CPT2: variants seen among roughly 807,000 people sequenced by gnomAD.
CPT2 encodes carnitine palmitoyltransferase 2.
In CPT2, 37 loss-of-function variants were observed where a neutral mutation model predicts 48.6. The observed-to-expected ratio is 0.76, with a 90% CI of 0.59 to 1.00. The LOEUF (loss-of-function observed/expected upper bound fraction) is 1.00, where lower values mean the gene tolerates loss of function less well. Among genes scored for constraint, CPT2 ranks in the 50% least tolerant of loss-of-function variants. The pLI, the probability that CPT2 is intolerant of heterozygous loss-of-function variation, is 0.00. For missense variants in CPT2, 772 were observed against 825.6 expected, an observed-to-expected ratio of 0.94 and a Z score of 0.80; for synonymous variants, 319 against 326.9, an observed-to-expected ratio of 0.98 and a Z score of 0.26.
At chr1:53,197,359 C>G in intron 1 of CPT2, 1 of 557,656 alleles carries the variant, frequency 1.8e-6, no homozygotes, top group South Asian at 2.0e-5. Flanking sequence ...ATTCCCTCTC[C>G]TTTAACCTAA....
intron 1 of CPT2, among the ~76,000 whole-genome samples, chr1:53,197,922 C>G (rs1264250720): frequency 6.6e-6 from 1 of 152,124 alleles, no homozygotes; most frequent in African/African-American, 2.4e-5. Flanking sequence ...CTCCTCCTCA[C>G]CACTGGCTAC....
Position 53,213,701 on chromosome 1 carries a change from G to C in CPT2, c.*106G>C, listed in dbSNP as rs1645446888. On this transcript the variant is annotated 3_prime_UTR_variant, in exon 5 of 5. Coordinates refer to ENST00000371486, the MANE Select transcript of CPT2 (RefSeq NM_000098.3). ...CCCAGCATTTTGAGAGGCTGAGGCG[G>C]GTGGATCACTTGAGGTCAGGAGTTT... is the stretch of plus-strand genomic sequence containing the variant. 1.9e-6 allele frequency: 2 copies of C among 1,053,034 alleles called. No individual in the cohort carries two copies. Among genetic ancestry groups the C allele is most frequent in the East Asian group, 5.1e-5 (2 of 38,846 alleles). The allele number at this position is 1,053,034 out of a possible 1,614,324, so 65.2% of individuals were successfully genotyped here.
At position 53,213,860 on chromosome 1, in the gene CPT2, A is replaced by G. The variant is rs1414307352; in HGVS notation, c.*265A>G. On this transcript the variant is annotated 3_prime_UTR_variant, in exon 5 of 5. Coordinates refer to ENST00000371486, the MANE Select transcript of CPT2 (RefSeq NM_000098.3). ...AGAATTGCTTGAACCCAGGAGGTGG[A>G]GGTTGCAGTGAGCTGAGATCACACC... The G allele has an allele frequency of 4.7e-6, 2 of 428,694 alleles. No individual in the cohort carries two copies. The highest frequency in any genetic ancestry group is 8.7e-6 in the Non-Finnish European group (2 of 229,044). 26.6% of individuals were successfully genotyped at this position (428,694 alleles called of 1,614,324 possible). A position where few individuals can be genotyped will look rare whatever the true frequency, so the allele number is the denominator to read the frequency against.
rs1645426919 is a variant in CPT2, at chr1:53,211,327, A to G, written c.1645+8A>G. The G allele has an allele frequency of 6.3e-7, 1 of 1,590,186 alleles. No homozygotes were observed. The highest frequency in any genetic ancestry group is 8.6e-7 in the Non-Finnish European group (1 of 1,168,976). ...CCAAAGAAGCAGCAATGGGTGAGGC[A>G]GGGGTGGGGAGCATGCCCTTGGGTC... is the stretch of plus-strand genomic sequence containing the variant. On this transcript the variant is annotated splice_region_variant and intron_variant, in intron 4 of 4. Transcript: ENST00000371486.
chr1:53,209,733 A>G, intron 3 of CPT2: 1 of 414,824 alleles, frequency 2.4e-6, no homozygotes, highest in East Asian at 5.6e-5. Flanking sequence ...CCGAGATTGC[A>G]GCACTGTTCT....
chr1:53,211,914 ACACGGTCT>A lies in CPT2; in HGVS notation c.1645+598_1645+605del, dbSNP rs1645431201. ...GCACCTGGCCTTTTTTTTTTTGGAG[ACACGGTCT>A]CATTCTGTCACCCAGGCTGGAGTAC... On this transcript the variant is annotated intron_variant, in intron 4 of 4. Coordinates refer to ENST00000371486, the MANE Select transcript of CPT2 (RefSeq NM_000098.3). Among the ~76,000 whole-genome samples the A allele has an allele frequency of 4.0e-5, 6 of 149,708 alleles. No individual in the cohort carries two copies. The South Asian group carries it at 1.3e-3, about 32-fold the overall frequency.
chr1:53,202,243 A>AT, intron 2 of CPT2, 80 bp from the exon 3 acceptor site: 12 of 1,135,586 alleles, frequency 1.1e-5, no homozygotes, highest in Non-Finnish European at 1.6e-5. Context: ...CCAAAACTCT[A>AT]TTATGAGTTC....
chr1:53,209,755 G>C, intron 3 of CPT2: 1 of 455,042 alleles, frequency 2.2e-6, no homozygotes, highest in Non-Finnish European at 4.0e-6. Context: ...CAGCCTGGGC[G>C]ACAGGAGCGA....
intron 2 of CPT2, chr1:53,201,173 T>C: frequency 3.3e-6 from 1 of 302,764 alleles, no homozygotes; most frequent in Non-Finnish European, 6.5e-6. Context: ...AGCATGTTTA[T>C]TGAGTTGGAT....
chr1:53,202,284 C>A, intron 2 of CPT2, 39 bp from the exon 3 acceptor site: 1 of 1,525,222 alleles, frequency 6.6e-7, no homozygotes, highest in East Asian at 2.3e-5. Flanking sequence ...CATGTATTCC[C>A]TACCATGGTT....
At chr1:53,211,464 C>T (rs1359888416) in intron 4 of CPT2, 145 bp downstream of exon 4, 4 of 806,670 alleles carry the variant, frequency 5.0e-6, no homozygotes, top group Non-Finnish European at 7.9e-6. Flanking sequence ...CTTTTCTACC[C>T]TAGCAGTCTG....
chr1:53,199,886 C>T (rs1645344656), intron 1 of CPT2: 1 of 152,156 alleles, frequency 6.6e-6, no homozygotes, highest in Admixed American at 6.5e-5. Context: ...TCCTAAATGA[C>T]TGATACATTT....
chr1:53,204,284 A>T (rs1645372584), intron 3 of CPT2: 1 of 150,758 alleles, frequency 6.6e-6, no homozygotes, highest in Non-Finnish European at 1.5e-5. Context: ...CACATTTTTC[A>T]TCTCTTACTC....
At chr1:53,199,214 C>T (rs533851964) in intron 1 of CPT2, among the ~76,000 whole-genome samples, 1 of 152,158 alleles carries the variant, frequency 6.6e-6, no homozygotes, top group South Asian at 2.1e-4. Flanking sequence ...GCATGTGCCA[C>T]CACACCCAGC....
At chr1:53,202,217 C>A in intron 2 of CPT2, 106 bp from the exon 3 acceptor site, 1 of 802,408 alleles carries the variant, frequency 1.2e-6, no homozygotes, top group Non-Finnish European at 2.2e-6. Flanking sequence ...GGTTTTAGGG[C>A]TATGCTGTTG....
At chr1:53,206,303 T>G (rs1645389466) in intron 3 of CPT2, among the ~76,000 whole-genome samples, 1 of 152,038 alleles carries the variant, frequency 6.6e-6, no homozygotes, top group Non-Finnish European at 1.5e-5. Context: ...GATCCTCTAC[T>G]AGGGCAATGC....
In CPT2 at chr1:53,210,427, T is replaced by G; in HGVS notation, c.753T>G (p.Phe251Leu). Residue 251 changes from phenylalanine to leucine, a missense_variant, in exon 4 of 5, where the codon TTT becomes TTG. By Grantham distance (22) the Phe-to-Leu change is conservative (BLOSUM62 0). Transcript: ENST00000371486. The part of the protein sequence containing the change: ...RHLLVLRKGN[F>L]YIFDVLDQDG... ...TCCTGGTCCTAAGGAAAGGAAATTT[T>G]TATATCTTTGATGTCCTGGATCAAG... 6.2e-7 allele frequency: 1 copy of G among 1,614,130 alleles called. No homozygotes were observed. Among genetic ancestry groups the G allele is most frequent in the Non-Finnish European group, 8.5e-7 (1 of 1,180,044 alleles).
At chr1:53,212,091 C>A (rs1239140706) in intron 4 of CPT2, among the ~76,000 whole-genome samples, 1 of 133,614 alleles carries the variant, frequency 7.5e-6, no homozygotes, top group African/African-American at 2.9e-5. Flanking sequence ...TTGAGATGGA[C>A]TCTTGCTCTG....
At position 53,198,500 on chromosome 1, in the gene CPT2, A is replaced by G. The variant is rs570503768; in HGVS notation, c.152+1405A>G. On this transcript the variant is annotated intron_variant, in intron 1 of 4. Coordinates refer to ENST00000371486, the MANE Select transcript of CPT2 (RefSeq NM_000098.3). ...GAAAAAGGGGCTTTGTGCCTGTGGC[A>G]TAAGCCTGGTACATGCTTCCACCCT... 2.0e-5 allele frequency among the ~76,000 whole-genome samples: 3 copies of G among 152,380 alleles called. No individual in the cohort carries two copies. In the East Asian group the frequency reaches 5.8e-4, roughly 29 times the overall value.
Sources: gnomAD v4.1 joint callset for allele counts (sites outside exome capture counted in the v4.1 genomes callset) on GRCh38, gnomAD v4.1.1 for gene constraint, MANE v1.5 for transcripts, NCBI Gene and HGNC (gene_info 2026-07-23, HGNC 2026-07-21) for gene names.